Variants in BICRAL observed in about 807,000 individuals in gnomAD.
BICRAL encodes the protein BRD4-interacting chromatin-remodeling complex-associated protein-like.
BICRAL carries 8 observed loss-of-function variants against 91.8 expected under a neutral mutation model. The ratio of observed to expected loss-of-function variants is 0.09; its 90% CI spans 0.05 to 0.16. The LOEUF (loss-of-function observed/expected upper bound fraction) is 0.16. BICRAL is among the 10% of genes least tolerant of loss of function. The pLI, the probability that BICRAL is intolerant of heterozygous loss-of-function variation, is 1.00. For missense variants in BICRAL, 1,038 were observed against 1,310.9 expected (o/e 0.79, Z 3.21); for synonymous variants, 445 against 491.1 (o/e 0.91, Z 1.24).
upstream of BICRAL, chr6:42,781,927 CCCCG>C (rs1762921186): frequency 9.0e-4 from 1 of 1,110 alleles, no homozygotes. Flanking sequence ...GGGAGCGGCG[CCCCG>C]GCCCGGCGCG....
rs1157619350 is a variant in BICRAL, at chr6:42,852,122, C to G, written c.1870C>G (p.Pro624Ala). 6.2e-7 allele frequency: 1 copy of G among 1,611,410 alleles called. No homozygotes were observed. The highest frequency in any genetic ancestry group is 1.1e-5 in the South Asian group (1 of 91,010). Residue 624 changes from proline to alanine, a missense_variant, in exon 7 of 13, where the codon CCC becomes GCC. This residue lies in a region of BICRAL where 532 missense variants were observed against 724.9 expected (regional missense o/e 0.73). Coordinates refer to ENST00000314073, the MANE Select transcript of BICRAL (RefSeq NM_001393499.1). ...AQKKCLNQTS[P>A]ISAPKTTDGL... ...GAAAAAATGTCTGAATCAGACTTCCCCCATTTCTGCTCCCAAGACCACAGA... is the reference window on the plus strand; with the variant it reads ...GAAAAAATGTCTGAATCAGACTTCCGCCATTTCTGCTCCCAAGACCACAGA...
intron 1 of BICRAL, among the ~76,000 whole-genome samples, chr6:42,809,278 T>A (rs896056893): frequency 1.4e-4 from 22 of 152,014 alleles, no homozygotes; most frequent in Non-Finnish European, 2.9e-4. Context: ...TCATTCTTTT[T>A]TATGGCTGCT....
intron 7 of BICRAL, among the ~76,000 whole-genome samples, chr6:42,853,101 A>G (rs1006092507): frequency 9.3e-5 from 14 of 151,320 alleles, no homozygotes; most frequent in African/African-American, 3.2e-4. Flanking sequence ...ATTTTACAGT[A>G]CTTGTGACTT....
intron 12 of BICRAL, among the ~76,000 whole-genome samples, chr6:42,864,335 A>G (rs1765644317): frequency 6.6e-6 from 1 of 152,114 alleles, no homozygotes; most frequent in Non-Finnish European, 1.5e-5. Flanking sequence ...GCAAGACTCC[A>G]TCTCAAAAAA....
chr6:42,852,222 C>T, intron 7 of BICRAL, 25 bp downstream of exon 7: 2 of 1,360,958 alleles, frequency 1.5e-6, no homozygotes, highest in Non-Finnish European at 2.1e-6. Context: ...CAGTTTGTCC[C>T]TGTCCTCCCA....
At chr6:42,758,852 G>A (rs1762500950) in intron 1 of BICRAL, among the ~76,000 whole-genome samples, 1 of 152,160 alleles carries the variant, frequency 6.6e-6, no homozygotes, top group Non-Finnish European at 1.5e-5. Flanking sequence ...TAGGTGTTGG[G>A]ACTACAGCAG....
intron 1 of BICRAL, among the ~76,000 whole-genome samples, chr6:42,750,572 A>G (rs1349053227): frequency 6.6e-6 from 1 of 151,998 alleles, no homozygotes; most frequent in Non-Finnish European, 1.5e-5. Context: ...ATTATCCCAT[A>G]ATATACGTTT....
At chr6:42,782,785 G>A (rs1184758019) in intron 1 of BICRAL, among the ~76,000 whole-genome samples, 1 of 151,936 alleles carries the variant, frequency 6.6e-6, no homozygotes, top group Non-Finnish European at 1.5e-5. Context: ...CTCGGCGAGG[G>A]GAAGACGGCG....
chr6:42,854,237 C>T (rs923151373), intron 8 of BICRAL, among the ~76,000 whole-genome samples: 1 of 152,206 alleles, frequency 6.6e-6, no homozygotes, highest in Admixed American at 6.6e-5. Flanking sequence ...CTCACTCTGT[C>T]ACCCAGGCTG....
intron 6 of BICRAL, among the ~76,000 whole-genome samples, chr6:42,837,014 G>A (rs1227378886): frequency 6.6e-6 from 1 of 150,426 alleles, no homozygotes; most frequent in Non-Finnish European, 1.5e-5. Context: ...GCACTATCTC[G>A]GCTCACTGCA....
intron 5 of BICRAL, among the ~76,000 whole-genome samples, chr6:42,826,894 C>A (rs1300104853): frequency 6.6e-6 from 1 of 152,054 alleles, no homozygotes; most frequent in Non-Finnish European, 1.5e-5. Flanking sequence ...TCAAGTGATT[C>A]TCCTCCCTCA....
intron 1 of BICRAL, among the ~76,000 whole-genome samples, chr6:42,796,361 G>A (rs1203797510): frequency 6.6e-6 from 1 of 152,128 alleles, no homozygotes; most frequent in Non-Finnish European, 1.5e-5. Context: ...CAGTGCAAAG[G>A]GCCTAAGATA....
At chr6:42,836,542 G>A (rs2113974493) in intron 6 of BICRAL, among the ~76,000 whole-genome samples, 1 of 151,224 alleles carries the variant, frequency 6.6e-6, no homozygotes, top group East Asian at 2.0e-4. Flanking sequence ...AGTTGAAATA[G>A]TAGTATTTAG....
At chr6:42,820,824 C>T (rs1457014201) in intron 2 of BICRAL, among the ~76,000 whole-genome samples, 6 of 152,158 alleles carry the variant, frequency 3.9e-5, no homozygotes, top group African/African-American at 1.4e-4. Flanking sequence ...ATGAATTCAG[C>T]CGCCAAGGGG....
Position 42,864,844 on chromosome 6 carries a change from CT to C in BICRAL, c.2639del (p.Leu880GlnfsTer25). On this transcript the variant is annotated frameshift_variant, in exon 13 of 13. Coordinates refer to ENST00000314073, the MANE Select transcript of BICRAL (RefSeq NM_001393499.1). LOFTEE classifies it high-confidence loss of function. ...ACCCATGAATCATGACCAGTTTCAT[CT>C]AGTGCCTAATCACATCGTGGTCTCT... ...TEPMNHDQFHLVPNHIVVSAE... is the reference protein window; with the variant it reads ...TEPMNHDQFHXVPNHIVVSAE... 6.2e-7 allele frequency: 1 copy of C among 1,614,178 alleles called. No homozygotes were observed. Among genetic ancestry groups the C allele is most frequent in the Non-Finnish European group, 8.5e-7 (1 of 1,180,012 alleles).
intron 2 of BICRAL, among the ~76,000 whole-genome samples, chr6:42,819,854 G>A (rs764339156): frequency 1.2e-4 from 18 of 152,154 alleles, no homozygotes; most frequent in Non-Finnish European, 2.1e-4. Context: ...TGTACCTACT[G>A]GGACCAGAGG....
intron 6 of BICRAL, among the ~76,000 whole-genome samples, chr6:42,839,075 C>T (rs1331620880): frequency 2.6e-5 from 4 of 151,946 alleles, no homozygotes; most frequent in Admixed American, 2.6e-4. Flanking sequence ...TGGCGTGTGC[C>T]TATAGTCCCA....
chr6:42,805,582 A>G (rs1763681984), intron 1 of BICRAL, among the ~76,000 whole-genome samples: 1 of 152,126 alleles, frequency 6.6e-6, no homozygotes, highest in African/African-American at 2.4e-5. Context: ...TTTTTAAAAT[A>G]TTTCCTGAGT....
At position 42,828,607 on chromosome 6, in the gene BICRAL, TCTC is replaced by T. The variant is rs1764374587; in HGVS notation, c.278_280del (p.Pro93del). 7 of 1,613,962 alleles carry T rather than the reference TCTC, an allele frequency of 4.3e-6. No homozygotes were observed. The highest frequency in any genetic ancestry group is 1.6e-4 in the Middle Eastern group (1 of 6,084). On this transcript the variant is annotated inframe_deletion, in exon 6 of 13. Transcript: ENST00000314073. The stretch of plus-strand genomic sequence containing the variant: ...GTTTCTTGAAGATGAACTCGAGTCT[TCTC>T]CTCTTCCTGATCTCACTGAGGACCA...
Sources: allele counts gnomAD v4.1 joint callset (sites outside exome capture counted in the v4.1 genomes callset), GRCh38; gene constraint gnomAD v4.1.1; regional missense constraint gnomAD v4.1.1; transcripts MANE v1.5; gene names NCBI Gene and HGNC (gene_info 2026-07-23, HGNC 2026-07-21).